Variants in SPATA16 observed in about 807,000 individuals in gnomAD.
SPATA16 encodes the protein spermatogenesis associated 16.
A neutral mutation model predicts 63.3 loss-of-function variants in SPATA16; 36 were observed. The ratio of observed to expected loss-of-function variants is 0.57; its 90% CI spans 0.44 to 0.75. SPATA16 has a LOEUF of 0.75. Ranked by LOEUF, SPATA16 falls within the 30% of genes least tolerant of loss-of-function variation. The probability of loss-of-function intolerance (pLI) is 0.00; values close to 1 mark genes in which losing one functional copy is unlikely to be tolerated. For missense variants in SPATA16, 646 were observed against 679.3 expected, an observed-to-expected ratio of 0.95 and a Z score of 0.54; for synonymous variants, 203 against 216.7, an observed-to-expected ratio of 0.94 and a Z score of 0.56.
chr3:172,953,259 C>T (rs1248519071), intron 6 of SPATA16, among the ~76,000 whole-genome samples: 1 of 152,100 alleles, frequency 6.6e-6, no homozygotes, highest in East Asian at 1.9e-4. Context: ...AATAGATGAA[C>T]AACCCCCCTC....
In SPATA16 at chr3:172,926,079, G is replaced by T. The variant is rs1577092009; in HGVS notation, c.1082-587C>A. On this transcript the variant is annotated intron_variant, in intron 6 of 10. Transcript: ENST00000351008. ...GACCTCAGGTGATCTACCTGCCTTG[G>T]CCTCCCAAAATGCTGAGATTACAGG... is the stretch of plus-strand genomic sequence containing the variant. 2.6e-5 allele frequency among the ~76,000 whole-genome samples: 4 copies of T among 152,190 alleles called. 1 individual carries two copies. The highest frequency in any genetic ancestry group is 2.6e-4 in the Admixed American group (4 of 15,274).
intron 4 of SPATA16, among the ~76,000 whole-genome samples, chr3:173,013,925 C>T (rs1735125185): frequency 6.6e-6 from 1 of 152,166 alleles, no homozygotes; most frequent in South Asian, 2.1e-4. Flanking sequence ...CAAGACTTTT[C>T]CTGGGTCTGG....
At chr3:173,045,183 C>T (rs1735929345) in intron 3 of SPATA16, among the ~76,000 whole-genome samples, 1 of 152,128 alleles carries the variant, frequency 6.6e-6, no homozygotes, top group Non-Finnish European at 1.5e-5. Flanking sequence ...TCTTTCTTGG[C>T]CATGTTTCCT....
At chr3:173,039,069 A>G (rs755032522) in intron 3 of SPATA16, among the ~76,000 whole-genome samples, 6 of 152,078 alleles carry the variant, frequency 3.9e-5, no homozygotes, top group Non-Finnish European at 5.9e-5. Context: ...TTTATTTGTA[A>G]TTATAGAGTT....
chr3:173,059,789 T>C (rs113066933), intron 2 of SPATA16, among the ~76,000 whole-genome samples: 1 of 144,246 alleles, frequency 6.9e-6, no homozygotes, highest in African/African-American at 2.5e-5. Context: ...CCATCCCACA[T>C]AAATGAACTC....
chr3:172,968,522 C>A (rs747439186), intron 5 of SPATA16, among the ~76,000 whole-genome samples: 3 of 152,084 alleles, frequency 2.0e-5, no homozygotes, highest in Non-Finnish European at 1.5e-5. Context: ...CTTGACAGTC[C>A]GTCTAAATCA....
intron 2 of SPATA16, among the ~76,000 whole-genome samples, chr3:173,098,042 A>G (rs1276068884): frequency 6.6e-6 from 1 of 152,134 alleles, no homozygotes; most frequent in African/African-American, 2.4e-5. Context: ...AAAAATGAAA[A>G]CAAAAATTAT....
intron 4 of SPATA16, among the ~76,000 whole-genome samples, chr3:173,005,783 C>T (rs1312490813): frequency 1.3e-5 from 2 of 152,070 alleles, no homozygotes; most frequent in African/African-American, 4.8e-5. Flanking sequence ...AAGTGTTTTT[C>T]TATATTTTTA....
intron 2 of SPATA16, among the ~76,000 whole-genome samples, chr3:173,077,891 G>A (rs1736843293): frequency 6.6e-6 from 1 of 152,034 alleles, no homozygotes; most frequent in African/African-American, 2.4e-5. Flanking sequence ...GGCAGCCCTG[G>A]GAGAAAATGT....
At chr3:173,050,655 T>A (rs1228120149) in intron 2 of SPATA16, among the ~76,000 whole-genome samples, 1 of 152,134 alleles carries the variant, frequency 6.6e-6, no homozygotes, top group Non-Finnish European at 1.5e-5. Flanking sequence ...AGTAATAATA[T>A]ACAAATGATA....
intron 4 of SPATA16, among the ~76,000 whole-genome samples, chr3:173,015,700 C>T (rs1735166753): frequency 6.6e-6 from 1 of 152,180 alleles, no homozygotes; most frequent in Non-Finnish European, 1.5e-5. Context: ...TGGTGCTTGG[C>T]ATATTTTAGA....
intron 10 of SPATA16, among the ~76,000 whole-genome samples, chr3:172,904,062 A>T (rs1196453969): frequency 2.0e-5 from 3 of 152,186 alleles, no homozygotes; most frequent in Non-Finnish European, 2.9e-5. Flanking sequence ...AAACCCTGTC[A>T]CTACAAAGTT....
intron 2 of SPATA16, among the ~76,000 whole-genome samples, chr3:173,097,012 AC>A (rs1206640459): frequency 6.6e-6 from 1 of 152,182 alleles, no homozygotes; most frequent in African/African-American, 2.4e-5. Flanking sequence ...AGTTTCAGTT[AC>A]CCATGGTCAA....
intron 4 of SPATA16, among the ~76,000 whole-genome samples, chr3:172,983,076 T>C (rs1734358093): frequency 6.6e-6 from 1 of 152,188 alleles, no homozygotes; most frequent in African/African-American, 2.4e-5. Context: ...GAGAATCTAT[T>C]CCGTTTTAAA....
At chr3:173,014,555 T>C (rs1041180448) in intron 4 of SPATA16, among the ~76,000 whole-genome samples, 9 of 152,216 alleles carry the variant, frequency 5.9e-5, no homozygotes, top group African/African-American at 2.2e-4. Flanking sequence ...ACTCATGTAA[T>C]AAACCCGCAC....
At chr3:173,024,107 T>G (rs1234330026) in intron 3 of SPATA16, among the ~76,000 whole-genome samples, 2 of 151,414 alleles carry the variant, frequency 1.3e-5, no homozygotes, top group East Asian at 3.9e-4. Flanking sequence ...GGTATGGGAT[T>G]TTTTTCTATT....
chr3:172,960,908 C>CTTTCTTTCTTTCTTT (rs1560080043), intron 5 of SPATA16, among the ~76,000 whole-genome samples: 1 of 118,412 alleles, frequency 8.4e-6, no homozygotes. Context: ...CTTCCTTCCT[C>CTTTCTTTCTTTCTTT]CCTCCCTCCC....
intron 5 of SPATA16, among the ~76,000 whole-genome samples, chr3:172,958,005 T>C (rs1225617192): frequency 1.3e-5 from 2 of 152,230 alleles, no homozygotes; most frequent in Non-Finnish European, 2.9e-5. Flanking sequence ...CTTAAAATTA[T>C]GTAAAAATTA....
intron 4 of SPATA16, among the ~76,000 whole-genome samples, chr3:172,997,354 C>T (rs1734716940): frequency 6.6e-6 from 1 of 152,052 alleles, no homozygotes; most frequent in African/African-American, 2.4e-5. Flanking sequence ...ATTTGCATTT[C>T]CCTGATGACA....
Sources: allele counts gnomAD v4.1 joint callset (sites outside exome capture counted in the v4.1 genomes callset), GRCh38; gene constraint gnomAD v4.1.1; transcripts MANE v1.5; gene names NCBI Gene and HGNC (gene_info 2026-07-23, HGNC 2026-07-21).